Variants in KSR2 observed in about 807,000 individuals in gnomAD.
KSR2 encodes the protein kinase suppressor of ras 2.
In KSR2, 25 loss-of-function variants were observed where a neutral mutation model predicts 107.8. The observed-to-expected ratio is 0.23, with a 90% CI of 0.17 to 0.32. The LOEUF is 0.32. Ranked by LOEUF, KSR2 falls within the 10% of genes least tolerant of loss-of-function variation. KSR2 has a pLI of 1.00. For missense variants in KSR2, 887 were observed against 1,268.9 expected (o/e 0.70, Z 4.57); for synonymous variants, 480 against 507.0 (o/e 0.95, Z 0.71).
intron 4 of KSR2, among the ~76,000 whole-genome samples, chr12:117,723,466 G>C (rs995436872): frequency 2.0e-5 from 3 of 152,058 alleles, no homozygotes; most frequent in Admixed American, 1.3e-4. Context: ...AATAAACTGA[G>C]GCTCAGAAAA....
chr12:117,677,485 C>T (rs763397114), intron 4 of KSR2, among the ~76,000 whole-genome samples: 2 of 152,132 alleles, frequency 1.3e-5, no homozygotes, highest in African/African-American at 4.8e-5. Flanking sequence ...GCCAACACCT[C>T]GATCTTGGAC....
At chr12:117,578,422 A>G (rs1432979998) in intron 7 of KSR2, among the ~76,000 whole-genome samples, 2 of 151,920 alleles carry the variant, frequency 1.3e-5, no homozygotes, top group African/African-American at 4.8e-5. Context: ...GGTAAATCCC[A>G]GTCTCTACTA....
chr12:117,747,589 TTAAAATAAAATAAAA>T (rs370596687), intron 4 of KSR2, among the ~76,000 whole-genome samples: 1 of 151,596 alleles, frequency 6.6e-6, no homozygotes, highest in Non-Finnish European at 1.5e-5. Context: ...ATCCCGGAAC[TTAAAATAAAATAAAA>T]TAAAATAAAA....
intron 4 of KSR2, among the ~76,000 whole-genome samples, chr12:117,740,663 AAT>A (rs1565990497): frequency 3.3e-5 from 3 of 90,576 alleles, no homozygotes; most frequent in African/African-American, 9.0e-5. Flanking sequence ...TGTAATATAT[AAT>A]ATATATAATA....
At chr12:117,832,007 G>A (rs950814229) in intron 3 of KSR2, among the ~76,000 whole-genome samples, 8 of 152,154 alleles carry the variant, frequency 5.3e-5, no homozygotes, top group Non-Finnish European at 5.9e-5. Flanking sequence ...TACTGTGGCC[G>A]GGTGCAGTGG....
At chr12:117,704,717 G>A (rs1342574863) in intron 4 of KSR2, among the ~76,000 whole-genome samples, 1 of 152,078 alleles carries the variant, frequency 6.6e-6, no homozygotes, top group East Asian at 1.9e-4. Flanking sequence ...ACATTAGCTG[G>A]GCATGGTGGC....
intron 9 of KSR2, among the ~76,000 whole-genome samples, chr12:117,545,420 G>T (rs1226177867): frequency 6.6e-6 from 1 of 152,120 alleles, no homozygotes. Flanking sequence ...ACCATCTGGA[G>T]ATTTCTTTTT....
intron 1 of KSR2, among the ~76,000 whole-genome samples, chr12:117,947,215 A>AAGAAAGAAAGAAAGAAAGAAAG (rs1896218305): frequency 2.2e-5 from 2 of 90,140 alleles, no homozygotes; most frequent in African/African-American, 9.7e-5. Flanking sequence ...AAAAGAAAGA[A>AAGAAAGAAAGAAAGAAAGAAAG]AGAAAGAAAG....
intron 3 of KSR2, among the ~76,000 whole-genome samples, chr12:117,827,260 C>T (rs1459049393): frequency 6.6e-6 from 1 of 152,168 alleles, no homozygotes; most frequent in East Asian, 1.9e-4. Flanking sequence ...TCTTCTGAGA[C>T]ATTAAACCAA....
chr12:117,890,856 G>T (rs1894320559), intron 1 of KSR2: 1 of 152,158 alleles, frequency 6.6e-6, no homozygotes, highest in South Asian at 2.1e-4. Context: ...AAGGGAAAAA[G>T]AAGTCTCAGA....
At chr12:117,744,995 C>T (rs941113311) in intron 4 of KSR2, among the ~76,000 whole-genome samples, 3 of 152,142 alleles carry the variant, frequency 2.0e-5, no homozygotes, top group Non-Finnish European at 4.4e-5. Flanking sequence ...CTCCCCCCAA[C>T]AAAACTATGA....
chr12:117,683,093 T>C (rs1226938102), intron 4 of KSR2, among the ~76,000 whole-genome samples: 1 of 152,138 alleles, frequency 6.6e-6, no homozygotes, highest in Non-Finnish European at 1.5e-5. Context: ...GGCTGTGGAT[T>C]TGGGGAGTAG....
At chr12:117,864,878 C>T (rs1893421286) in intron 1 of KSR2, among the ~76,000 whole-genome samples, 1 of 152,034 alleles carries the variant, frequency 6.6e-6, no homozygotes, top group Non-Finnish European at 1.5e-5. Flanking sequence ...TATTCTGAGA[C>T]ATTGAGGATT....
chr12:117,753,323 T>C (rs1036441570), intron 4 of KSR2, among the ~76,000 whole-genome samples: 2 of 152,186 alleles, frequency 1.3e-5, no homozygotes, highest in African/African-American at 4.8e-5. Flanking sequence ...AGGAGAGGCA[T>C]AAACTATTGT....
chr12:117,581,898 T>TGTGCTAAGCAC (rs1879687906), intron 6 of KSR2, among the ~76,000 whole-genome samples: 1 of 151,828 alleles, frequency 6.6e-6, no homozygotes, highest in African/African-American at 2.4e-5. Flanking sequence ...TGCCAGGCCC[T>TGTGCTAAGCAC]TTACAAATAT....
intron 4 of KSR2, among the ~76,000 whole-genome samples, chr12:117,713,854 AT>A (rs1408224801): frequency 6.6e-6 from 1 of 152,012 alleles, no homozygotes; most frequent in Non-Finnish European, 1.5e-5. Flanking sequence ...GGCTGAGTCA[AT>A]TTCAACAGCT....
At chr12:117,812,519 C>T (rs928223150) in intron 3 of KSR2, among the ~76,000 whole-genome samples, 6 of 152,122 alleles carry the variant, frequency 3.9e-5, no homozygotes, top group Non-Finnish European at 8.8e-5. Context: ...TTCAGCTCCT[C>T]TTGAATTTAT....
At chr12:117,804,356 A>G (rs1890940742) in intron 3 of KSR2, among the ~76,000 whole-genome samples, 1 of 152,112 alleles carries the variant, frequency 6.6e-6, no homozygotes, top group African/African-American at 2.4e-5. Context: ...TATTGTCTAT[A>G]CCTGATTTCA....
chr12:117,550,841 C>CT (rs11428312), intron 9 of KSR2, among the ~76,000 whole-genome samples: 123,626 of 152,152 alleles, frequency 0.81, 50,398 homozygotes, highest in Admixed American at 0.87. Context: ...GGCCTATGGG[C>CT]TGCTTTGGGT....
Sources: gnomAD v4.1 joint callset for allele counts (sites outside exome capture counted in the v4.1 genomes callset) on GRCh38, gnomAD v4.1.1 for gene constraint, MANE v1.5 for transcripts, NCBI Gene and HGNC (gene_info 2026-07-23, HGNC 2026-07-21) for gene names.